Variants in FTCDNL1 observed in about 807,000 individuals in gnomAD.
FTCDNL1 encodes formiminotransferase N-terminal subdomain-containing protein.
A neutral mutation model predicts 5.9 loss-of-function variants in FTCDNL1; 11 were observed. That is an observed-to-expected ratio of 1.87 (90% CI 1.18 to 3.10). FTCDNL1 has a LOEUF of 3.10. Among genes scored for constraint, FTCDNL1 ranks in the 30% most tolerant of loss-of-function variants. The pLI is 0.00. For missense variants in FTCDNL1, 115 were observed against 65.5 expected, an observed-to-expected ratio of 1.76 and a Z score of -2.61; for synonymous variants, 58 against 24.8, an observed-to-expected ratio of 2.34 and a Z score of -3.99.
At chr2:199,677,810 G>T in the FTCDNL1 span, among the ~76,000 whole-genome samples, 1 of 152,124 alleles carries the variant, frequency 6.6e-6, no homozygotes, top group Non-Finnish European at 1.5e-5. Flanking sequence ...AAAACCAATC[G>T]TTTCAACTCT....
exon 4 of FTCDNL1, chr2:199,760,551 A>T: frequency 2.2e-6 from 1 of 446,038 alleles, no homozygotes; most frequent in East Asian, 3.5e-5. Context: ...TTTGAAAAAC[A>T]GAGTTAAACA....
In FTCDNL1 at chr2:199,817,079, C is replaced by G. The variant is rs914488946; in HGVS notation, c.397+2493G>C. Among the ~76,000 whole-genome samples, 6 of 152,270 alleles carry G rather than the reference C, an allele frequency of 3.9e-5. No homozygotes were observed. The East Asian group carries it at 1.2e-3, about 29-fold the overall frequency. ...CTGAAAGTTCTTCTAAAACATCATG[C>G]TTGAGTATGCCATAGTTTACATAAA... On this transcript the variant is annotated intron_variant, in intron 4 of 4. Coordinates refer to ENST00000420128, the MANE Select transcript of FTCDNL1 (RefSeq NM_001363886.2).
the FTCDNL1 span, among the ~76,000 whole-genome samples, chr2:199,703,221 A>G: frequency 6.6e-6 from 1 of 151,434 alleles, no homozygotes; most frequent in Admixed American, 6.6e-5. Context: ...CCACCCCACA[A>G]CAGTCCCCAG....
Position 199,848,959 on chromosome 2 carries a change from A to G in FTCDNL1, c.4T>C (p.Ser2Pro). M[S>P]SSRVGLRLAA... ...AAACGGAGCCCCACTCTGGAAGAAGACATGATTTTTCTGGAATAGGAGAAA... is the reference window on the plus strand; with the variant it reads ...AAACGGAGCCCCACTCTGGAAGAAGGCATGATTTTTCTGGAATAGGAGAAA... Residue 2 changes from serine (S) to proline (P), a missense_variant, in exon 2 of 5, where the codon TCT becomes CCT. Coordinates refer to ENST00000420128, the MANE Select transcript of FTCDNL1 (RefSeq NM_001363886.2). The G allele has an allele frequency of 1.4e-6, 1 of 701,298 alleles. No homozygotes were observed. The highest frequency in any genetic ancestry group is 2.7e-5 in the East Asian group (1 of 37,280). The allele number at this position is 701,298 out of a possible 1,614,324, so 43.4% of individuals were successfully genotyped here.
At chr2:199,795,923 G>A (rs1291920672) in intron 3 of FTCDNL1, among the ~76,000 whole-genome samples, 3 of 152,046 alleles carry the variant, frequency 2.0e-5, no homozygotes, top group African/African-American at 7.2e-5. Context: ...AAAGCACTAT[G>A]TCTATAACAT....
chr2:199,742,038 C>T, the FTCDNL1 span, among the ~76,000 whole-genome samples: 1 of 152,134 alleles, frequency 6.6e-6, no homozygotes, highest in African/African-American at 2.4e-5. Context: ...CCTCCGCCCT[C>T]ATATGCCCCA....
Position 199,812,742 on chromosome 2 carries a change from A to C in FTCDNL1, c.398-18T>G. ...GAAGCAAGCTAAAAACAAGGAAAAA[A>C]ATCTTTGGTATGATTTCGTTTTCCA... On this transcript the variant is annotated intron_variant, in intron 4 of 4. Coordinates refer to ENST00000420128, the MANE Select transcript of FTCDNL1 (RefSeq NM_001363886.2). 1.4e-6 allele frequency: 1 copy of C among 698,210 alleles called. No individual in the cohort carries two copies. The highest frequency in any genetic ancestry group is 2.6e-6 in the Non-Finnish European group (1 of 383,278). The allele number at this position is 698,210 out of a possible 1,614,324, so 43.3% of individuals were successfully genotyped here. A position where few individuals can be genotyped will look rare whatever the true frequency, so the allele number is the denominator to read the frequency against.
the FTCDNL1 span, among the ~76,000 whole-genome samples, chr2:199,742,966 A>G: frequency 6.6e-6 from 1 of 152,256 alleles, no homozygotes; most frequent in African/African-American, 2.4e-5. Context: ...AGCGAGCATT[A>G]TAAAGAAGAC....
chr2:199,776,852 C>T (rs758108516), intron 3 of FTCDNL1, among the ~76,000 whole-genome samples: 2 of 151,728 alleles, frequency 1.3e-5, no homozygotes, highest in East Asian at 1.9e-4. Context: ...TATATACACA[C>T]ACACATATAT....
At chr2:199,787,551 A>G (rs917755892) in intron 3 of FTCDNL1, among the ~76,000 whole-genome samples, 2 of 152,164 alleles carry the variant, frequency 1.3e-5, no homozygotes, top group African/African-American at 4.8e-5. Context: ...TAAGACATTG[A>G]GACTTTCTGG....
intron 4 of FTCDNL1, among the ~76,000 whole-genome samples, chr2:199,817,750 A>C (rs1263264241): frequency 6.6e-6 from 1 of 152,040 alleles, no homozygotes; most frequent in Non-Finnish European, 1.5e-5. Flanking sequence ...TCTCAAAAAA[A>C]AAAAAAAAGT....
intron 3 of FTCDNL1, among the ~76,000 whole-genome samples, chr2:199,767,304 G>T (rs1698583503): frequency 6.6e-6 from 1 of 152,148 alleles, no homozygotes; most frequent in Admixed American, 6.6e-5. Flanking sequence ...AGCCCTTGAA[G>T]CCAGATCTTT....
chr2:199,721,754 C>G, the FTCDNL1 span, among the ~76,000 whole-genome samples: 3 of 152,114 alleles, frequency 2.0e-5, no homozygotes, highest in Admixed American at 6.5e-5. Flanking sequence ...AGTGTAAAAG[C>G]ATTCCTATCT....
the FTCDNL1 span, among the ~76,000 whole-genome samples, chr2:199,677,221 C>A: frequency 2.0e-5 from 3 of 152,262 alleles, no homozygotes; most frequent in South Asian, 6.2e-4. Flanking sequence ...TTCCCTAAGG[C>A]CAAAACCTAA....
chr2:199,743,643 A>C, the FTCDNL1 span, among the ~76,000 whole-genome samples: 1 of 151,756 alleles, frequency 6.6e-6, no homozygotes, highest in South Asian at 2.1e-4. Context: ...GAACCTATGC[A>C]CGTCCCTTGC....
chr2:199,791,776 T>A (rs953676233), intron 3 of FTCDNL1, among the ~76,000 whole-genome samples: 3 of 152,122 alleles, frequency 2.0e-5, no homozygotes, highest in Non-Finnish European at 2.9e-5. Flanking sequence ...TAAAGAAAAA[T>A]TTTTGATGGT....
At chr2:199,754,202 G>C in the FTCDNL1 span, among the ~76,000 whole-genome samples, 1 of 152,106 alleles carries the variant, frequency 6.6e-6, no homozygotes, top group Non-Finnish European at 1.5e-5. Context: ...CTGGGCACTC[G>C]GACACCCAGA....
At chr2:199,664,579 C>A in the FTCDNL1 span, among the ~76,000 whole-genome samples, 4 of 152,264 alleles carry the variant, frequency 2.6e-5, no homozygotes, top group South Asian at 6.2e-4. Flanking sequence ...CAAAAGCCTC[C>A]ATTATTCACA....
chr2:199,710,294 T>C, the FTCDNL1 span, among the ~76,000 whole-genome samples: 1 of 152,142 alleles, frequency 6.6e-6, no homozygotes, highest in Admixed American at 6.6e-5. Context: ...GGAAACACCT[T>C]ATGGAGAGAA....
Sources: allele counts gnomAD v4.1 joint callset (sites outside exome capture counted in the v4.1 genomes callset), GRCh38; gene constraint gnomAD v4.1.1; transcripts MANE v1.5; gene names NCBI Gene and HGNC (gene_info 2026-07-23, HGNC 2026-07-21).